LRMDA: variants seen among roughly 807,000 people sequenced by gnomAD.
LRMDA encodes leucine-rich melanocyte differentiation-associated protein.
Under a neutral mutation model 29.8 loss-of-function variants are expected in LRMDA, and 18 were observed. The observed-to-expected ratio is 0.60, with a 90% CI of 0.42 to 0.90. The LOEUF is 0.90. Among genes scored for constraint, LRMDA ranks in the 40% least tolerant of loss-of-function variants. The pLI, the probability that LRMDA is intolerant of heterozygous loss-of-function variation, is 0.00. For synonymous variants in LRMDA, 125 were observed against 109.4 expected, an observed-to-expected ratio of 1.14 and a Z score of -0.89; for missense variants, 273 against 273.9, an observed-to-expected ratio of 1.00 and a Z score of 0.02.
At chr10:75,552,749 C>G (rs75896928) in intron 2 of LRMDA, among the ~76,000 whole-genome samples, 2 of 148,142 alleles carry the variant, frequency 1.4e-5, no homozygotes, top group Admixed American at 1.4e-4. Flanking sequence ...CTCTCATATG[C>G]TTTTTTTTTT....
intron 5 of LRMDA, among the ~76,000 whole-genome samples, chr10:76,227,902 T>C (rs1851989415): frequency 6.6e-6 from 1 of 152,128 alleles, no homozygotes; most frequent in Non-Finnish European, 1.5e-5. Context: ...ACAGACCACA[T>C]AGATACTTAT....
intron 2 of LRMDA, among the ~76,000 whole-genome samples, chr10:75,580,143 C>G (rs909504165): frequency 2.6e-5 from 4 of 152,180 alleles, no homozygotes; most frequent in African/African-American, 9.7e-5. Context: ...TCTCTGTTTG[C>G]AGATGACATG....
Position 76,559,532 on chromosome 10 carries a change from G to C in LRMDA, c.*2244G>C, listed in dbSNP as rs1240071644. ...TAAGCAGGGATAGTGATAATGAAGTGCTGGGTTGGTTACAGTTCCACTGTG... is the reference window on the plus strand; with the variant it reads ...TAAGCAGGGATAGTGATAATGAAGTCCTGGGTTGGTTACAGTTCCACTGTG... On this transcript the variant is annotated 3_prime_UTR_variant, in exon 7 of 7. Transcript: ENST00000611255. The C allele has an allele frequency of 1.3e-5, 2 of 152,226 alleles. No individual in the cohort carries two copies. Among genetic ancestry groups the C allele is most frequent in the Non-Finnish European group, 2.9e-5 (2 of 68,036 alleles). 9.4% of individuals were successfully genotyped at this position (152,226 alleles called of 1,614,324 possible).
At chr10:76,400,308 G>T (rs189891759) in intron 6 of LRMDA, among the ~76,000 whole-genome samples, 3 of 152,268 alleles carry the variant, frequency 2.0e-5, no homozygotes, top group Non-Finnish European at 2.9e-5. Flanking sequence ...CCCAGCCCTG[G>T]TCTGTACCTT....
intron 2 of LRMDA, among the ~76,000 whole-genome samples, chr10:75,651,345 A>G (rs1841597392): frequency 1.3e-5 from 2 of 152,158 alleles, no homozygotes; most frequent in Non-Finnish European, 2.9e-5. Context: ...CTAAAGGGTT[A>G]TGTTTGAGGG....
In LRMDA at chr10:76,158,023, G is replaced by A. The variant is rs188404642; in HGVS notation, c.516+99240G>A. Among the ~76,000 whole-genome samples, 3 of 152,130 alleles carry A rather than the reference G, an allele frequency of 2.0e-5. No individual in the cohort carries two copies. In the East Asian group the frequency reaches 5.8e-4, roughly 29 times the overall value. On this transcript the variant is annotated intron_variant, in intron 5 of 6. Transcript: ENST00000611255. ...AAAATACGATATTATAATCCTATGG[G>A]ACCACCATCTTATATGTGGTCCATT...
chr10:75,807,080 G>A (rs568943937), intron 2 of LRMDA, among the ~76,000 whole-genome samples: 1 of 152,210 alleles, frequency 6.6e-6, no homozygotes, highest in South Asian at 2.1e-4. Context: ...AATCCCTGTG[G>A]GGGGTGAGTG....
chr10:76,398,922 C>G (rs999807209), intron 6 of LRMDA, among the ~76,000 whole-genome samples: 2 of 152,134 alleles, frequency 1.3e-5, no homozygotes, highest in Non-Finnish European at 2.9e-5. Context: ...TAATTAACCT[C>G]TGATAGCTTT....
chr10:76,288,966 GAAAC>G (rs967328880), intron 5 of LRMDA, among the ~76,000 whole-genome samples: 11 of 152,138 alleles, frequency 7.2e-5, no homozygotes, highest in African/African-American at 2.4e-4. Context: ...AGTAGTTATG[GAAAC>G]AAACAAACAT....
intron 5 of LRMDA, among the ~76,000 whole-genome samples, chr10:76,249,187 C>T (rs920084703): frequency 4.6e-5 from 7 of 152,202 alleles, no homozygotes; most frequent in Non-Finnish European, 1.5e-5. Context: ...TATTACTCCC[C>T]ATTTTTATGG....
chr10:75,496,994 T>C (rs1016362959), intron 2 of LRMDA, among the ~76,000 whole-genome samples: 4 of 152,002 alleles, frequency 2.6e-5, no homozygotes, highest in African/African-American at 9.7e-5. Flanking sequence ...TAGCTTTTTT[T>C]TTTTCTTTTC....
chr10:75,806,102 AG>A (rs1843847091), intron 2 of LRMDA, among the ~76,000 whole-genome samples: 1 of 152,256 alleles, frequency 6.6e-6, no homozygotes, highest in Admixed American at 6.5e-5. Context: ...ACAGAGAGGC[AG>A]GGGGGTACCA....
chr10:76,283,161 G>A (rs1033755741), intron 5 of LRMDA, among the ~76,000 whole-genome samples: 1 of 152,124 alleles, frequency 6.6e-6, no homozygotes, highest in African/African-American at 2.4e-5. Context: ...CCACAGATCT[G>A]GGAGGAATAA....
chr10:75,605,257 C>G (rs1400651511), intron 2 of LRMDA, among the ~76,000 whole-genome samples: 2 of 152,168 alleles, frequency 1.3e-5, no homozygotes, highest in Non-Finnish European at 2.9e-5. Context: ...TCCTTTCTTC[C>G]TGAATGTCTC....
chr10:75,667,460 A>G (rs1377937726), intron 2 of LRMDA, among the ~76,000 whole-genome samples: 1 of 152,156 alleles, frequency 6.6e-6, no homozygotes, highest in African/African-American at 2.4e-5. Flanking sequence ...CACAACACTG[A>G]TACATTTTTA....
At chr10:75,485,935 CTTGT>C (rs1025862644) in intron 2 of LRMDA, among the ~76,000 whole-genome samples, 1 of 152,050 alleles carries the variant, frequency 6.6e-6, no homozygotes, top group Non-Finnish European at 1.5e-5. Flanking sequence ...CTTTGCTTTC[CTTGT>C]TTATTTTTAT....
At chr10:76,453,407 T>A (rs1476916088) in intron 6 of LRMDA, among the ~76,000 whole-genome samples, 1 of 152,218 alleles carries the variant, frequency 6.6e-6, no homozygotes, top group East Asian at 1.9e-4. Context: ...ACCTCTACTG[T>A]GGGTTATATG....
In LRMDA at chr10:76,134,088, C is replaced by T. The variant is rs561479101; in HGVS notation, c.516+75305C>T. Among the ~76,000 whole-genome samples, 234 of 152,274 alleles carry T rather than the reference C, an allele frequency of 1.5e-3. 2 individuals are homozygous for T. Among genetic ancestry groups the T allele is most frequent in the African/African-American group, 5.6e-3 (232 of 41,556 alleles). ...TTACAGCATAATCTCAGAGAGCTTT[C>T]GAGGCACTGCAGCCACTCTGCAGCT... On this transcript the variant is annotated intron_variant, in intron 5 of 6. Transcript: ENST00000611255.
chr10:76,218,267 G>A (rs539082382), intron 5 of LRMDA, among the ~76,000 whole-genome samples: 7 of 152,298 alleles, frequency 4.6e-5, no homozygotes, highest in African/African-American at 7.2e-5. Context: ...CCTCTTGCCC[G>A]AACAGTGCCA....
Sources: allele counts gnomAD v4.1 joint callset (sites outside exome capture counted in the v4.1 genomes callset), GRCh38; gene constraint gnomAD v4.1.1; transcripts MANE v1.5; gene names NCBI Gene and HGNC (gene_info 2026-07-23, HGNC 2026-07-21).